Variants in RIMBP2 observed in about 807,000 individuals in gnomAD.
The protein encoded by RIMBP2 is RIMS binding protein 2.
Under a neutral mutation model 118.6 loss-of-function variants are expected in RIMBP2, and 48 were observed. The ratio of observed to expected loss-of-function variants is 0.40; its 90% confidence interval spans 0.32 to 0.51. The LOEUF (loss-of-function observed/expected upper bound fraction) is 0.51, where lower values mean the gene tolerates loss of function less well. RIMBP2 is among the 20% of genes least tolerant of loss of function. The pLI, the probability that RIMBP2 is intolerant of heterozygous loss-of-function variation, is 0.41. For missense variants in RIMBP2, 1,551 were observed against 1,768.3 expected (o/e 0.88, Z 2.20); for synonymous variants, 762 against 742.9 (o/e 1.03, Z -0.42).
At chr12:130,413,960 C>G (rs1213029504) in intron 18 of RIMBP2, among the ~76,000 whole-genome samples, 165 bp downstream of exon 18, 1 of 152,234 alleles carries the variant, frequency 6.6e-6, no homozygotes, top group African/African-American at 2.4e-5. Context: ...TTGCAGAGGG[C>G]AGGGCCCTTG....
chr12:130,664,415 ACACACG>A (rs2063806058), intron 1 of RIMBP2, among the ~76,000 whole-genome samples: 7 of 130,474 alleles, frequency 5.4e-5, no homozygotes, highest in Admixed American at 1.6e-4. Context: ...ACGCACGCAC[ACACACG>A]CACACACATG....
chr12:130,665,968 C>T (rs543297764), intron 1 of RIMBP2, among the ~76,000 whole-genome samples: 1 of 152,258 alleles, frequency 6.6e-6, no homozygotes, highest in East Asian at 1.9e-4. Flanking sequence ...CACCATTTGC[C>T]TCATCCTGTC....
intron 2 of RIMBP2, among the ~76,000 whole-genome samples, chr12:130,601,335 C>CAAAAAAAAAA (rs35127958): frequency 6.3e-5 from 4 of 63,066 alleles, no homozygotes; most frequent in Admixed American, 2.9e-4. Flanking sequence ...AGAGGGCAGG[C>CAAAAAAAAAA]AAAAAAAAAA....
At chr12:130,459,145 G>A (rs2079744964) in intron 6 of RIMBP2, among the ~76,000 whole-genome samples, 1 of 152,054 alleles carries the variant, frequency 6.6e-6, no homozygotes, top group African/African-American at 2.4e-5. Flanking sequence ...GGTTGTCAGG[G>A]TTTTGGGTTA....
chr12:130,664,161 A>G (rs979199368), intron 1 of RIMBP2, among the ~76,000 whole-genome samples: 2 of 151,798 alleles, frequency 1.3e-5, no homozygotes, highest in African/African-American at 4.9e-5. Flanking sequence ...CACTTGGTAA[A>G]GTCTTTTCCC....
At chr12:130,542,996 T>C (rs2054748109) in intron 2 of RIMBP2, among the ~76,000 whole-genome samples, 1 of 152,208 alleles carries the variant, frequency 6.6e-6, no homozygotes. Flanking sequence ...GGGTACATAA[T>C]TTCTCCAAAT....
At chr12:130,605,484 T>C (rs942221210) in intron 2 of RIMBP2, among the ~76,000 whole-genome samples, 2 of 152,208 alleles carry the variant, frequency 1.3e-5, no homozygotes, top group Admixed American at 6.5e-5. Flanking sequence ...ATTTTGAATA[T>C]GGGATGACCA....
intron 2 of RIMBP2, among the ~76,000 whole-genome samples, chr12:130,596,430 A>G (rs1157357866): frequency 6.7e-6 from 1 of 150,254 alleles, no homozygotes; most frequent in Non-Finnish European, 1.5e-5. Context: ...AACCTTGCCC[A>G]AGGCCACATA....
At chr12:130,425,113 C>T (rs1459774565) in intron 15 of RIMBP2, 1 of 359,812 alleles carries the variant, frequency 2.8e-6, no homozygotes, top group African/African-American at 2.1e-5. Context: ...GGAGCCAGCG[C>T]CATGCATCCA....
At chr12:130,463,466 CA>C (rs1416021343) in intron 6 of RIMBP2, among the ~76,000 whole-genome samples, 1 of 152,118 alleles carries the variant, frequency 6.6e-6, no homozygotes, top group African/African-American at 2.4e-5. Flanking sequence ...TTTCTAAAGA[CA>C]AGGGGGAAGC....
chr12:130,502,697 C>A (rs2049914030), intron 4 of RIMBP2, among the ~76,000 whole-genome samples: 1 of 152,224 alleles, frequency 6.6e-6, no homozygotes, highest in African/African-American at 2.4e-5. Context: ...CAGTGTATCA[C>A]ACGCATTTGA....
intron 1 of RIMBP2, among the ~76,000 whole-genome samples, chr12:130,634,937 A>T (rs1042178669): frequency 6.6e-6 from 1 of 152,078 alleles, no homozygotes; most frequent in African/African-American, 2.4e-5. Flanking sequence ...GTTTCCAGTA[A>T]CAACAGAGTC....
intron 1 of RIMBP2, among the ~76,000 whole-genome samples, chr12:130,636,191 T>C (rs1197390604): frequency 1.3e-5 from 2 of 152,162 alleles, no homozygotes; most frequent in South Asian, 2.1e-4. Flanking sequence ...TGTCCCGACA[T>C]GGCTGGCTCT....
intron 6 of RIMBP2, among the ~76,000 whole-genome samples, chr12:130,460,858 C>T (rs1475434178): frequency 1.3e-5 from 2 of 152,134 alleles, no homozygotes; most frequent in South Asian, 2.1e-4. Flanking sequence ...AGAGCCAGCT[C>T]GCCTTGAGCC....
intron 6 of RIMBP2, among the ~76,000 whole-genome samples, chr12:130,458,934 T>A (rs1163485516): frequency 3.3e-5 from 5 of 150,940 alleles, no homozygotes; most frequent in Admixed American, 6.6e-5. Flanking sequence ...GTCCCAGCTA[T>A]TTGGGAGGCT....
intron 1 of RIMBP2, among the ~76,000 whole-genome samples, chr12:130,676,028 G>A (rs995890783): frequency 9.2e-5 from 14 of 152,242 alleles, no homozygotes; most frequent in Admixed American, 2.0e-4. Flanking sequence ...GACTGCCACC[G>A]CGTGAGGACA....
intron 1 of RIMBP2, among the ~76,000 whole-genome samples, chr12:130,632,713 T>C (rs1476201929): frequency 6.6e-6 from 1 of 152,216 alleles, no homozygotes; most frequent in Non-Finnish European, 1.5e-5. Context: ...ACATGTGAAG[T>C]ATGTTAATTA....
intron 1 of RIMBP2, among the ~76,000 whole-genome samples, chr12:130,650,959 A>T (rs73159147): frequency 0.065 from 4,625 of 70,872 alleles, 181 homozygotes; most frequent in African/African-American, 0.23. Flanking sequence ...TGTTTTTTTT[A>T]AAAAAAAAAA....
intron 1 of RIMBP2, among the ~76,000 whole-genome samples, chr12:130,644,701 G>C (rs1051779717): frequency 6.6e-6 from 1 of 152,184 alleles, no homozygotes; most frequent in Admixed American, 6.5e-5. Context: ...GAGTGACGTC[G>C]GAAAAGCCAC....
Sources: gnomAD v4.1 joint callset for allele counts (sites outside exome capture counted in the v4.1 genomes callset) on GRCh38, gnomAD v4.1.1 for gene constraint, MANE v1.5 for transcripts, NCBI Gene and HGNC (gene_info 2026-07-23, HGNC 2026-07-21) for gene names.